The following TADA2A variants were observed in gnomAD, a reference collection of about 807,000 sequenced individuals.
The protein encoded by TADA2A is transcriptional adapter 2-alpha.
TADA2A carries 38 observed loss-of-function variants against 67.4 expected under a neutral mutation model. That is an observed-to-expected ratio of 0.56 (90% confidence interval 0.44 to 0.74). The LOEUF is 0.74. Ranked by LOEUF, TADA2A falls within the 30% of genes least tolerant of loss-of-function variation. The pLI, the probability that TADA2A is intolerant of heterozygous loss-of-function variation, is 0.00. For missense variants in TADA2A, 454 were observed against 547.0 expected (o/e 0.83, Z 1.70); for synonymous variants, 192 against 181.6 (o/e 1.06, Z -0.46).
intron 8 of TADA2A, among the ~76,000 whole-genome samples, chr17:37,446,124 A>AC (rs1403096919): frequency 1.4e-5 from 2 of 144,204 alleles, no homozygotes; most frequent in Non-Finnish European, 3.0e-5. Context: ...TTTTTTGGCA[A>AC]CATTTTATTC....
chr17:37,443,171 A>G (rs559855669), intron 7 of TADA2A, among the ~76,000 whole-genome samples: 5 of 152,172 alleles, frequency 3.3e-5, no homozygotes, highest in Admixed American at 1.3e-4. Flanking sequence ...CCAAAAAACA[A>G]AAAAACCCCA....
chr17:37,464,597 TG>T (rs1891930260), intron 10 of TADA2A, among the ~76,000 whole-genome samples: 1 of 151,602 alleles, frequency 6.6e-6, no homozygotes, highest in African/African-American at 2.4e-5. Flanking sequence ...CCTAGCACTT[TG>T]GGAGGCCGAG....
At chr17:37,427,421 C>T (rs1214181458) in intron 4 of TADA2A, among the ~76,000 whole-genome samples, 1 of 152,140 alleles carries the variant, frequency 6.6e-6, no homozygotes, top group East Asian at 1.9e-4. Context: ...GCAGTTCATT[C>T]CCTTGCCTTG....
intron 4 of TADA2A, among the ~76,000 whole-genome samples, chr17:37,437,116 T>C (rs1399502993): frequency 2.6e-5 from 4 of 150,972 alleles, no homozygotes; most frequent in African/African-American, 7.4e-5. Context: ...AACGGAGTCT[T>C]GCTCTGTCGC....
intron 4 of TADA2A, among the ~76,000 whole-genome samples, chr17:37,428,160 C>G (rs1440152770): frequency 1.3e-5 from 2 of 152,128 alleles, no homozygotes; most frequent in Non-Finnish European, 2.9e-5. Context: ...TCTATCGATG[C>G]TGCAACAAAT....
chr17:37,467,554 T>TTGA (rs1294254802), intron 12 of TADA2A, 29 bp downstream of exon 12: 1 of 1,568,226 alleles, frequency 6.4e-7, no homozygotes, highest in South Asian at 1.1e-5. Flanking sequence ...CATACCGTAC[T>TTGA]TGAGGGCAAG....
At chr17:37,460,091 T>TC (rs2053511442) in intron 9 of TADA2A, among the ~76,000 whole-genome samples, 1 of 151,368 alleles carries the variant, frequency 6.6e-6, no homozygotes, top group African/African-American at 2.4e-5. Context: ...CCTTTTTTTT[T>TC]TTTTTTGAGA....
chr17:37,435,856 A>G (rs2052709265), intron 4 of TADA2A, among the ~76,000 whole-genome samples: 1 of 152,096 alleles, frequency 6.6e-6, no homozygotes, highest in African/African-American at 2.4e-5. Flanking sequence ...CTGGGACTAC[A>G]GGTGCATGCC....
intron 3 of TADA2A, among the ~76,000 whole-genome samples, chr17:37,424,335 T>C (rs2052338745): frequency 6.6e-6 from 1 of 151,806 alleles, no homozygotes; most frequent in Admixed American, 6.6e-5. Context: ...TCCCAGCTAC[T>C]TGGGAGGCTG....
chr17:37,420,446 G>A (rs1388263694), intron 2 of TADA2A, among the ~76,000 whole-genome samples: 1 of 139,800 alleles, frequency 7.2e-6, no homozygotes, highest in African/African-American at 2.6e-5. Context: ...AGGCTGGAGT[G>A]CAATGGCACG....
intron 8 of TADA2A, among the ~76,000 whole-genome samples, chr17:37,445,671 T>A (rs139648964): frequency 4.6e-4 from 70 of 152,142 alleles, no homozygotes; most frequent in African/African-American, 1.6e-3. Context: ...GAGTAGATAG[T>A]TAGACTTTGA....
intron 8 of TADA2A, among the ~76,000 whole-genome samples, chr17:37,445,684 C>T (rs1261953462): frequency 1.3e-5 from 2 of 151,650 alleles, no homozygotes; most frequent in Non-Finnish European, 3.0e-5. Context: ...GACTTTGAGT[C>T]CCTTTTTTCC....
At position 37,444,181 on chromosome 17, in the gene TADA2A, C is replaced by T. The variant is rs560798647; in HGVS notation, c.532-515C>T. Among the ~76,000 whole-genome samples the T allele has an allele frequency of 2.0e-5, 3 of 151,070 alleles. No individual in the cohort carries two copies. In the South Asian group the frequency reaches 6.3e-4, roughly 32 times the overall value. On this transcript the variant is annotated intron_variant, in intron 7 of 15. Coordinates refer to ENST00000615182, the MANE Select transcript of TADA2A (RefSeq NM_001166105.3). ...GGCTGAGGCAAGAGGATCACTTGAG[C>T]CTGGGGGTTCGAGGCTGCAGTGAGC... is the stretch of plus-strand genomic sequence containing the variant.
intron 4 of TADA2A, among the ~76,000 whole-genome samples, chr17:37,433,744 G>A (rs981459698): frequency 5.3e-5 from 8 of 152,048 alleles, no homozygotes; most frequent in Non-Finnish European, 7.4e-5. Context: ...CTTGAGGTCG[G>A]GAGTTCAAGA....
intron 14 of TADA2A, among the ~76,000 whole-genome samples, chr17:37,472,571 A>G (rs140441757): frequency 1.3e-3 from 193 of 151,514 alleles, no homozygotes; most frequent in African/African-American, 4.5e-3. Context: ...AAATGAAGGA[A>G]CTGGGTCAGG....
At chr17:37,442,085 C>G (rs1206074184) in intron 6 of TADA2A, among the ~76,000 whole-genome samples, 1 of 151,926 alleles carries the variant, frequency 6.6e-6, no homozygotes, top group Non-Finnish European at 1.5e-5. Context: ...GTTTTACATT[C>G]GAGAAGACCG....
At chr17:37,423,078 A>G (rs1162908587) in intron 2 of TADA2A, among the ~76,000 whole-genome samples, 2 of 152,172 alleles carry the variant, frequency 1.3e-5, no homozygotes, top group African/African-American at 4.8e-5. Flanking sequence ...GTCTCTACAA[A>G]AAATTAACCA....
In TADA2A at chr17:37,477,465, C is replaced by CT. The variant is rs60104676; in HGVS notation, c.*500dup. ...GTTGAAGGATTTTTTAAGCTGACAACTTTTTTTTTTTTTTTTTGAGACAGA... is the reference window on the plus strand; with the variant it reads ...GTTGAAGGATTTTTTAAGCTGACAACTTTTTTTTTTTTTTTTTTGAGACAGA... On this transcript the variant is annotated 3_prime_UTR_variant, in exon 16 of 16. Coordinates refer to ENST00000615182, the MANE Select transcript of TADA2A (RefSeq NM_001166105.3). The CT allele has an allele frequency of 0.13, 18,585 of 140,976 alleles. 1,330 individuals carry two copies. Among genetic ancestry groups the CT allele is most frequent in the East Asian group, 0.24 (1,131 of 4,764 alleles). The allele number at this position is 140,976 out of a possible 1,614,324, so 8.7% of individuals were successfully genotyped here.
Position 37,411,904 on chromosome 17 carries a change from C to T in TADA2A, c.25+514C>T, listed in dbSNP as rs182916162. On this transcript the variant is annotated intron_variant, in intron 2 of 15. Transcript: ENST00000615182. Reference sequence around the variant, plus strand: ...TGAACACATGACACAAACATATGACCCTGGGTCTTACAAGAAAATGAAGCA... The same window carrying T: ...TGAACACATGACACAAACATATGACTCTGGGTCTTACAAGAAAATGAAGCA... Among the ~76,000 whole-genome samples, 7 of 151,666 alleles carry T rather than the reference C, an allele frequency of 4.6e-5. No homozygotes were observed. The South Asian group carries it at 6.3e-4, about 14-fold the overall frequency.
Sources: allele counts gnomAD v4.1 joint callset (sites outside exome capture counted in the v4.1 genomes callset), GRCh38; gene constraint gnomAD v4.1.1; transcripts MANE v1.5; gene names NCBI Gene and HGNC (gene_info 2026-07-23, HGNC 2026-07-21).